The following COX16 variants were observed in gnomAD, a reference collection of about 807,000 sequenced individuals.
COX16 encodes the protein cytochrome c oxidase assembly factor COX16.
A neutral mutation model predicts 15.4 loss-of-function variants in COX16; 12 were observed. That is an observed-to-expected ratio of 0.78 (90% confidence interval 0.50 to 1.26). The LOEUF is 1.26. Among genes scored for constraint, COX16 ranks in the 50% most tolerant of loss-of-function variants. The probability of loss-of-function intolerance (pLI) is 0.00; values close to 1 mark genes in which losing one functional copy is unlikely to be tolerated. For synonymous variants in COX16, 46 were observed against 41.1 expected (o/e 1.12, Z -0.46); for missense variants, 124 against 127.6 (o/e 0.97, Z 0.14).
chr14:70,348,031 T>C (rs916434122), intron 1 of COX16, among the ~76,000 whole-genome samples: 5 of 151,848 alleles, frequency 3.3e-5, no homozygotes, highest in African/African-American at 1.2e-4. Context: ...ACCAAACCTT[T>C]CTCCCTCTAT....
chr14:70,328,089 T>TTTTTTTTTG (rs1886147934), intron 3 of COX16: 2 of 134,390 alleles, frequency 1.5e-5, no homozygotes, highest in Non-Finnish European at 3.2e-5. Context: ...TTTTTTTTTT[T>TTTTTTTTTG]TTTTTTTTGA....
intron 2 of COX16, 70 bp downstream of exon 2, chr14:70,342,588 G>A: frequency 6.7e-7 from 1 of 1,486,910 alleles, no homozygotes; most frequent in Admixed American, 2.1e-5. Context: ...AGTATACTGA[G>A]TATACAATTC....
intron 2 of COX16, among the ~76,000 whole-genome samples, chr14:70,332,330 A>T (rs111811009): frequency 6.7e-4 from 102 of 152,214 alleles, no homozygotes; most frequent in African/African-American, 2.4e-3. Flanking sequence ...GGGCTTGCCA[A>T]CCTCCTGTCA....
At chr14:70,355,587 A>C (rs1464391733) in intron 1 of COX16, among the ~76,000 whole-genome samples, 1 of 152,254 alleles carries the variant, frequency 6.6e-6, no homozygotes, top group Non-Finnish European at 1.5e-5. Flanking sequence ...AAGGGAGCCC[A>C]AAATATTATA....
intron 2 of COX16, among the ~76,000 whole-genome samples, chr14:70,336,560 G>A (rs1477393544): frequency 2.0e-5 from 3 of 152,178 alleles, no homozygotes; most frequent in South Asian, 2.1e-4. Context: ...TTGCATGTAT[G>A]TAAAAGGGAT....
intron 1 of COX16, among the ~76,000 whole-genome samples, chr14:70,355,776 T>C (rs1477076065): frequency 2.6e-5 from 4 of 152,210 alleles, no homozygotes; most frequent in African/African-American, 9.6e-5. Flanking sequence ...AACCTCCTGT[T>C]GAAATCTGAC....
chr14:70,338,204 C>G (rs941368778), intron 2 of COX16, among the ~76,000 whole-genome samples: 1 of 152,182 alleles, frequency 6.6e-6, no homozygotes, highest in Non-Finnish European at 1.5e-5. Flanking sequence ...GTCTCAAACT[C>G]CTGAGCTAAA....
Position 70,326,178 on chromosome 14 carries a change from G to T in COX16, c.*155C>A. ...CTGGGAAGTATAAAAACCTGTACAT[G>T]ACCTTTAGTGAAGATTATTTGTCAT... On this transcript the variant is annotated 3_prime_UTR_variant, in exon 4 of 4. Transcript: ENST00000389912. 1 of 482,124 alleles carries T rather than the reference G, an allele frequency of 2.1e-6. No homozygotes were observed. The highest frequency in any genetic ancestry group is 3.3e-6 in the Non-Finnish European group (1 of 304,878). 29.9% of individuals were successfully genotyped at this position (482,124 alleles called of 1,614,324 possible).
At position 70,326,145 on chromosome 14, in the gene COX16, T is replaced by G. The variant is rs1886063374; in HGVS notation, c.*188A>C. 2.8e-6 allele frequency: 1 copy of G among 354,582 alleles called. No individual in the cohort carries two copies. Among genetic ancestry groups the G allele is most frequent in the African/African-American group, 2.1e-5 (1 of 47,308 alleles). 22.0% of individuals were successfully genotyped at this position (354,582 alleles called of 1,614,324 possible). The stretch of plus-strand genomic sequence containing the variant: ...CAACATTGTTACTTTCATCCACAGA[T>G]GGAATAGCTGGGAAGTATAAAAACC... On this transcript the variant is annotated 3_prime_UTR_variant, in exon 4 of 4. Coordinates refer to ENST00000389912, the MANE Select transcript of COX16 (RefSeq NM_016468.7).
At chr14:70,330,138 C>G (rs1336939011) in intron 2 of COX16, among the ~76,000 whole-genome samples, 5 of 151,768 alleles carry the variant, frequency 3.3e-5, no homozygotes, top group Admixed American at 1.3e-4. Flanking sequence ...CATTTTTAAT[C>G]AAAGTGAAGT....
chr14:70,326,896 C>T (rs534579813), intron 3 of COX16, among the ~76,000 whole-genome samples: 119 of 152,254 alleles, frequency 7.8e-4, no homozygotes, highest in African/African-American at 2.7e-3. Context: ...ATTTGTCTTA[C>T]GCCTGGGCTT....
At chr14:70,329,143 A>T in intron 3 of COX16, 31 bp downstream of exon 3, 1 of 1,582,726 alleles carries the variant, frequency 6.3e-7, no homozygotes, top group Non-Finnish European at 8.6e-7. Flanking sequence ...ACTGATTGTT[A>T]TAAGACAGAG....
Position 70,359,569 on chromosome 14 carries a change from T to A in COX16, c.19A>T (p.Met7Leu). 1 of 1,614,096 alleles carries A rather than the reference T, an allele frequency of 6.2e-7. No individual in the cohort carries two copies. The highest frequency in any genetic ancestry group is 1.3e-5 in the African/African-American group (1 of 75,024). MFAPAV[M>L]RAFRKNKTLG... ...GTCTTGTTCTTGCGAAAAGCACGCA[T>A]CACCGCGGGTGCAAACATGAGTGAA... The change falls in exon 1 of 4, where the codon ATG becomes TTG. Residue 7 changes from methionine (M) to leucine (L), a missense_variant. Transcript: ENST00000389912.
At chr14:70,336,540 A>G (rs1277359252) in intron 2 of COX16, among the ~76,000 whole-genome samples, 1 of 152,274 alleles carries the variant, frequency 6.6e-6, no homozygotes, top group Non-Finnish European at 1.5e-5. Flanking sequence ...ATGAATTACT[A>G]TATTAATAAT....
At chr14:70,358,685 CT>C (rs1475296642) in intron 1 of COX16, among the ~76,000 whole-genome samples, 1 of 152,104 alleles carries the variant, frequency 6.6e-6, no homozygotes, top group East Asian at 1.9e-4. Context: ...AAAATATAGT[CT>C]GTATTTAAAA....
At chr14:70,334,123 T>G (rs1470541976) in intron 2 of COX16, among the ~76,000 whole-genome samples, 1 of 152,230 alleles carries the variant, frequency 6.6e-6, no homozygotes, top group African/African-American at 2.4e-5. Context: ...TACTGCATGA[T>G]ATACTAATAC....
intron 3 of COX16, among the ~76,000 whole-genome samples, chr14:70,327,286 T>A (rs994166874): frequency 6.6e-6 from 1 of 152,086 alleles, no homozygotes; most frequent in African/African-American, 2.4e-5. Flanking sequence ...GGAAAGTAAT[T>A]TAAGCCACCT....
chr14:70,339,836 G>C (rs1474004167), intron 2 of COX16, among the ~76,000 whole-genome samples: 1 of 152,104 alleles, frequency 6.6e-6, no homozygotes, highest in Non-Finnish European at 1.5e-5. Flanking sequence ...CTTGTCTTCT[G>C]ATCCTTCTCA....
At chr14:70,332,207 C>A (rs1395492628) in intron 2 of COX16, among the ~76,000 whole-genome samples, 2 of 152,222 alleles carry the variant, frequency 1.3e-5, no homozygotes, top group Non-Finnish European at 2.9e-5. Flanking sequence ...TGAAAGTGAC[C>A]CTGTGGCTCT....
Sources: gnomAD v4.1 joint callset for allele counts (sites outside exome capture counted in the v4.1 genomes callset) on GRCh38, gnomAD v4.1.1 for gene constraint, MANE v1.5 for transcripts, NCBI Gene and HGNC (gene_info 2026-07-23, HGNC 2026-07-21) for gene names.